The following LVRN variants were observed in gnomAD, a reference collection of about 807,000 sequenced individuals.
The protein encoded by LVRN is aminopeptidase Q.
In LVRN, 99 loss-of-function variants were observed where a neutral mutation model predicts 111.4. That is an observed-to-expected ratio of 0.89 (90% CI 0.76 to 1.05). LVRN has a LOEUF of 1.05. Ranked by LOEUF, LVRN falls within the 50% of genes least tolerant of loss-of-function variation. The pLI is 0.00. For missense variants in LVRN, 1,414 were observed against 1,206.8 expected, an observed-to-expected ratio of 1.17 and a Z score of -2.54; for synonymous variants, 488 against 449.5, an observed-to-expected ratio of 1.09 and a Z score of -1.08.
At chr5:116,006,100 G>A (rs1204604586) in intron 13 of LVRN, 133 bp downstream of exon 13, 22 of 650,302 alleles carry the variant, frequency 3.4e-5, no homozygotes, top group Non-Finnish European at 5.2e-5. Flanking sequence ...ATGAAATTCT[G>A]TAGCTGCAAT....
chr5:116,009,910 A>G (rs1456816170), intron 13 of LVRN, among the ~76,000 whole-genome samples: 5 of 152,306 alleles, frequency 3.3e-5, no homozygotes, highest in South Asian at 2.1e-4. Flanking sequence ...AGCAAGCAGG[A>G]TGTGTGAGGG....
At position 115,967,793 on chromosome 5, in the gene LVRN, A is replaced by T. The variant is rs530527580; in HGVS notation, c.695+4481A>T. 1.3e-3 allele frequency among the ~76,000 whole-genome samples: 192 copies of T among 152,348 alleles called. 1 individual carries two copies. The highest frequency in any genetic ancestry group is 4.5e-3 in the African/African-American group (188 of 41,576). Reference sequence around the variant, plus strand: ...AGAATTTTATCATTTTTAGCATACAAATCCTACACATTTTGTTAGATTCAC... The same window carrying T: ...AGAATTTTATCATTTTTAGCATACATATCCTACACATTTTGTTAGATTCAC... On this transcript the variant is annotated intron_variant, in intron 1 of 19. Transcript: ENST00000357872.
chr5:115,972,505 A>G (rs908238808), intron 1 of LVRN, among the ~76,000 whole-genome samples: 1 of 151,792 alleles, frequency 6.6e-6, no homozygotes, highest in Non-Finnish European at 1.5e-5. Context: ...ATTTTCCATT[A>G]AATTCTCTAC....
At chr5:115,997,862 G>A (rs1748152479) in intron 6 of LVRN, among the ~76,000 whole-genome samples, 1 of 152,142 alleles carries the variant, frequency 6.6e-6, no homozygotes. Flanking sequence ...ATCACTTTAT[G>A]GGAGGCCCAG....
At chr5:116,005,859 T>C in intron 12 of LVRN, 53 bp from the exon 13 acceptor site, 2 of 1,472,368 alleles carry the variant, frequency 1.4e-6, no homozygotes, top group Non-Finnish European at 1.9e-6. Context: ...TTGAAAACTT[T>C]GCGGAAAAAT....
rs577281123 is a variant in LVRN at position 116,008,186 on chromosome 5, C to CA, written c.2093+2227dup. Among the ~76,000 whole-genome samples, 1,039 of 151,530 alleles carry CA rather than the reference C, an allele frequency of 6.9e-3. 12 individuals carry two copies. Among genetic ancestry groups the CA allele is most frequent in the African/African-American group, 0.022 (890 of 41,286 alleles). On this transcript the variant is annotated intron_variant, in intron 13 of 19. Transcript: ENST00000357872. The stretch of plus-strand genomic sequence containing the variant: ...GCAAACCCCATCTCTACTAAAAATA[C>CA]AAAAAAAATCAGCCAGGTGTGGTGG...
Position 115,962,593 on chromosome 5 carries a change from C to T in LVRN, c.-25C>T. The T allele has an allele frequency of 6.3e-7, 1 of 1,579,086 alleles. No homozygotes were observed. Among genetic ancestry groups the T allele is most frequent in the Non-Finnish European group, 8.6e-7 (1 of 1,165,348 alleles). On this transcript the variant is annotated 5_prime_UTR_variant, in exon 1 of 20. Coordinates refer to ENST00000357872, the MANE Select transcript of LVRN (RefSeq NM_173800.5). ...GCTGCCACAGTCTCTGAGCTCCAGC[C>T]TCGCGCCTGAACCCGGTCCCTGCCA... is the stretch of plus-strand genomic sequence containing the variant.
At chr5:115,986,454 G>A (rs1036985926) in intron 3 of LVRN, among the ~76,000 whole-genome samples, 6 of 152,104 alleles carry the variant, frequency 3.9e-5, no homozygotes, top group Admixed American at 1.3e-4. Flanking sequence ...AGATCACCCC[G>A]AAAAGGATGC....
At chr5:116,008,661 A>G (rs1748427887) in intron 13 of LVRN, among the ~76,000 whole-genome samples, 1 of 152,094 alleles carries the variant, frequency 6.6e-6, no homozygotes, top group Non-Finnish European at 1.5e-5. Flanking sequence ...TTCATTGATT[A>G]GGATAAAAGA....
At chr5:116,025,144 G>A (rs1365286547) in intron 19 of LVRN, among the ~76,000 whole-genome samples, 1 of 152,142 alleles carries the variant, frequency 6.6e-6, no homozygotes, top group Non-Finnish European at 1.5e-5. Flanking sequence ...CCACCTCCCG[G>A]CAGGTGTGAG....
In LVRN at chr5:116,003,306, A is replaced by T. The variant is rs2112608591; in HGVS notation, c.1963A>T (p.Thr655Ser). 3 of 1,565,124 alleles carry T rather than the reference A, an allele frequency of 1.9e-6. No individual in the cohort carries two copies. Among genetic ancestry groups the T allele is most frequent in the African/African-American group, 2.7e-5 (2 of 73,082 alleles). ...CTGGGTGATTTTGAATTTGAATATGACTGGATATTATAGAGTTAATTATGA... is the reference window on the plus strand; with the variant it reads ...CTGGGTGATTTTGAATTTGAATATGTCTGGATATTATAGAGTTAATTATGA... ...HDWVILNLNM[T>S]GYYRVNYDKL... The change falls in exon 12 of 20, where the codon ACT becomes TCT. Residue 655 changes from threonine to serine, a missense_variant. Physicochemically the swap from Thr to Ser is moderately conservative, Grantham distance 58. Transcript: ENST00000357872.
intron 18 of LVRN, among the ~76,000 whole-genome samples, chr5:116,019,631 T>A (rs1444241298): frequency 6.6e-6 from 1 of 152,262 alleles, no homozygotes; most frequent in African/African-American, 2.4e-5. Flanking sequence ...ATTTTTGTTT[T>A]TGCTTTTTAA....
intron 7 of LVRN, 101 bp from the exon 8 acceptor site, chr5:116,000,332 C>A: frequency 6.8e-7 from 1 of 1,473,372 alleles, no homozygotes; most frequent in Non-Finnish European, 9.5e-7. Flanking sequence ...ATGCAAAATG[C>A]AATCAGGAGC....
chr5:116,024,491 G>A (rs1330949836), intron 19 of LVRN, among the ~76,000 whole-genome samples: 2 of 152,274 alleles, frequency 1.3e-5, no homozygotes, highest in East Asian at 1.9e-4. Context: ...GCCTGCCTAA[G>A]GCTGAGCTGT....
At chr5:116,001,728 T>A (rs1748243758) in intron 10 of LVRN, among the ~76,000 whole-genome samples, 1 of 152,202 alleles carries the variant, frequency 6.6e-6, no homozygotes, top group African/African-American at 2.4e-5. Flanking sequence ...TTTGTAGCCA[T>A]ACCCACAACA....
rs1415598379 is a variant in LVRN at position 116,026,505 on chromosome 5, C to T, written c.*387C>T. 1 of 280,270 alleles carries T rather than the reference C, an allele frequency of 3.6e-6. No individual in the cohort carries two copies. Among genetic ancestry groups the T allele is most frequent in the Non-Finnish European group, 6.8e-6 (1 of 146,294 alleles). 17.4% of individuals were successfully genotyped at this position (280,270 alleles called of 1,614,324 possible). On this transcript the variant is annotated 3_prime_UTR_variant, in exon 20 of 20. Coordinates refer to ENST00000357872, the MANE Select transcript of LVRN (RefSeq NM_173800.5). ...TTGCTGAGGGAAATAACAGTTTTTCCAGGCCCTAGGGTTTATTTAGTTCAA... is the reference window on the plus strand; with the variant it reads ...TTGCTGAGGGAAATAACAGTTTTTCTAGGCCCTAGGGTTTATTTAGTTCAA...
chr5:116,001,594 A>G (rs1748241241), intron 10 of LVRN, among the ~76,000 whole-genome samples: 1 of 152,224 alleles, frequency 6.6e-6, no homozygotes, highest in Non-Finnish European at 1.5e-5. Flanking sequence ...TAAAGAGGAA[A>G]GGAAGTCTTA....
intron 6 of LVRN, among the ~76,000 whole-genome samples, chr5:115,994,993 C>T (rs1285168813): frequency 2.6e-5 from 4 of 152,158 alleles, no homozygotes; most frequent in African/African-American, 4.8e-5. Flanking sequence ...TGCTGGTCCC[C>T]GTCTCATCTC....
At chr5:115,963,345 C>G (rs765510580) in intron 1 of LVRN, 33 bp downstream of exon 1, 1 of 1,511,918 alleles carries the variant, frequency 6.6e-7, no homozygotes, top group Admixed American at 2.2e-5. Context: ...CCCCTCTCGG[C>G]CCCCGCCCCT....
Sources: gnomAD v4.1 joint callset for allele counts (sites outside exome capture counted in the v4.1 genomes callset) on GRCh38, gnomAD v4.1.1 for gene constraint, MANE v1.5 for transcripts, NCBI Gene and HGNC (gene_info 2026-07-23, HGNC 2026-07-21) for gene names.